DPP10: variants seen among roughly 807,000 people sequenced by gnomAD.
DPP10 encodes inactive dipeptidyl peptidase 10.
A neutral mutation model predicts 120.9 loss-of-function variants in DPP10; 33 were observed. The ratio of observed to expected loss-of-function variants is 0.27; its 90% CI spans 0.21 to 0.37. The LOEUF (loss-of-function observed/expected upper bound fraction) is 0.37, where lower values mean the gene tolerates loss of function less well. DPP10 is among the 10% of genes least tolerant of loss of function. DPP10 has a pLI of 1.00. For missense variants in DPP10, 816 were observed against 942.8 expected, an observed-to-expected ratio of 0.87 and a Z score of 1.76; for synonymous variants, 337 against 326.1, an observed-to-expected ratio of 1.03 and a Z score of -0.36.
chr2:114,477,337 G>A (rs1446885592), intron 1 of DPP10, among the ~76,000 whole-genome samples: 1 of 151,936 alleles, frequency 6.6e-6, no homozygotes, highest in Admixed American at 6.6e-5. Context: ...ACTTTTGGGT[G>A]TACTTGTGGT....
intron 1 of DPP10, among the ~76,000 whole-genome samples, chr2:114,662,494 A>C (rs1312927211): frequency 6.6e-6 from 1 of 151,926 alleles, no homozygotes; most frequent in Non-Finnish European, 1.5e-5. Flanking sequence ...AGACAACTTG[A>C]ATGCGTGTGT....
At chr2:115,608,979 C>CTGA (rs2083895595) in intron 5 of DPP10, among the ~76,000 whole-genome samples, 1 of 151,012 alleles carries the variant, frequency 6.6e-6, no homozygotes, top group Non-Finnish European at 1.5e-5. Context: ...AGACAAATTC[C>CTGA]AGGAAGAAAG....
intron 3 of DPP10, among the ~76,000 whole-genome samples, chr2:115,388,584 G>T (rs531221354): frequency 6.6e-6 from 1 of 152,282 alleles, no homozygotes; most frequent in African/African-American, 2.4e-5. Context: ...AACTAGCTCT[G>T]CTTGCTTTTT....
chr2:114,588,566 T>C (rs1475790460), intron 1 of DPP10, among the ~76,000 whole-genome samples: 1 of 152,206 alleles, frequency 6.6e-6, no homozygotes, highest in Non-Finnish European at 1.5e-5. Context: ...AGTATGCTAC[T>C]TACCCTGATC....
chr2:115,639,178 C>T (rs112879471), intron 5 of DPP10, among the ~76,000 whole-genome samples: 2,968 of 152,252 alleles, frequency 0.019, 84 homozygotes, highest in African/African-American at 0.062. Flanking sequence ...TACCCCTCTA[C>T]GTATCTTAGG....
intron 1 of DPP10, among the ~76,000 whole-genome samples, chr2:114,839,246 G>T (rs931785623): frequency 2.0e-5 from 3 of 152,154 alleles, no homozygotes; most frequent in Admixed American, 6.5e-5. Context: ...TGGTGTGAAA[G>T]AGATAGATTT....
At chr2:114,670,689 G>T (rs188983347) in intron 1 of DPP10, among the ~76,000 whole-genome samples, 12 of 151,988 alleles carry the variant, frequency 7.9e-5, no homozygotes, top group Admixed American at 3.9e-4. Context: ...ATAATAATAA[G>T]AAAAATTATT....
chr2:115,109,892 T>G (rs2049130774), intron 1 of DPP10, among the ~76,000 whole-genome samples: 1 of 152,186 alleles, frequency 6.6e-6, no homozygotes, highest in Non-Finnish European at 1.5e-5. Flanking sequence ...AATGCTGAGC[T>G]TGAGAGACTT....
chr2:115,259,625 G>A (rs1467757192), intron 1 of DPP10, among the ~76,000 whole-genome samples: 2 of 152,050 alleles, frequency 1.3e-5, no homozygotes, highest in South Asian at 2.1e-4. Context: ...TAATTACATG[G>A]CCACACTTAG....
intron 4 of DPP10, among the ~76,000 whole-genome samples, chr2:115,520,624 G>A (rs893258780): frequency 4.6e-5 from 7 of 152,030 alleles, no homozygotes; most frequent in East Asian, 3.9e-4. Context: ...AGGTTCTGCC[G>A]TTTCTCAATG....
intron 1 of DPP10, among the ~76,000 whole-genome samples, chr2:115,198,335 C>G (rs1189139447): frequency 6.6e-6 from 1 of 152,158 alleles, no homozygotes; most frequent in East Asian, 1.9e-4. Context: ...TACCACTCAG[C>G]TTTATGGCAC....
At chr2:115,286,519 T>TAG (rs2060395678) in intron 1 of DPP10, among the ~76,000 whole-genome samples, 1 of 43,468 alleles carries the variant, frequency 2.3e-5, no homozygotes, top group Non-Finnish European at 5.4e-5. Context: ...ATATAATATA[T>TAG]ATATATAATA....
intron 1 of DPP10, among the ~76,000 whole-genome samples, chr2:115,264,682 A>C (rs2059388490): frequency 6.6e-6 from 1 of 152,206 alleles, no homozygotes; most frequent in Non-Finnish European, 1.5e-5. Context: ...TTCACATAAC[A>C]AATTCAAAAT....
At chr2:115,214,683 C>T (rs1401431057) in intron 1 of DPP10, among the ~76,000 whole-genome samples, 2 of 152,164 alleles carry the variant, frequency 1.3e-5, no homozygotes, top group Non-Finnish European at 2.9e-5. Flanking sequence ...TATTCAATAA[C>T]ACTCAATGAT....
chr2:115,736,853 G>T (rs75862387), intron 8 of DPP10, among the ~76,000 whole-genome samples: 2,018 of 152,142 alleles, frequency 0.013, 47 homozygotes, highest in African/African-American at 0.047. Flanking sequence ...CTAGTAAGTC[G>T]ATTCACTTGT....
intron 9 of DPP10, 76 bp from the exon 10 acceptor site, chr2:115,746,010 C>A (rs1677921632): frequency 9.3e-7 from 1 of 1,077,478 alleles, no homozygotes; most frequent in Non-Finnish European, 1.3e-6. Flanking sequence ...GTAAATGAAT[C>A]AAAAATCCTT....
chr2:115,349,002 C>G (rs917266958), intron 3 of DPP10, among the ~76,000 whole-genome samples: 11 of 152,068 alleles, frequency 7.2e-5, no homozygotes, highest in African/African-American at 2.7e-4. Context: ...CAGCCCTTTC[C>G]TAGGAGACTA....
At position 114,749,548 on chromosome 2, in the gene DPP10, CTTTTATTTTATTTTA is replaced by C. The variant is rs374862583; in HGVS notation, c.60+306750_60+306764del. 6.9e-3 allele frequency among the ~76,000 whole-genome samples: 872 copies of C among 125,634 alleles called. 3 individuals are homozygous for C. Among genetic ancestry groups the C allele is most frequent in the African/African-American group, 0.023 (770 of 33,012 alleles). 82.4% of individuals were successfully genotyped at this position (125,634 alleles called of 152,430 possible). Reference sequence around the variant, plus strand: ...AACAAAGACACTTATTCTAGCACTGCTTTTATTTTATTTTATTTTATTTTATTTTATTTTATTTTA... The same window carrying C: ...AACAAAGACACTTATTCTAGCACTGCTTTTATTTTATTTTATTTTATTTTA... On this transcript the variant is annotated intron_variant, in intron 1 of 25. Transcript: ENST00000410059.
rs754680857 is a variant in DPP10, at chr2:115,177,760, GTT to G, written c.61-131475_61-131474del. On this transcript the variant is annotated intron_variant, in intron 1 of 25. Coordinates refer to ENST00000410059, the MANE Select transcript of DPP10 (RefSeq NM_020868.6). ...ATTGCTTTTGTTTTGTTTTGTTTTT[GTT>G]TTTGTTTGTTTGTTTGTTTGAGACA... is the stretch of plus-strand genomic sequence containing the variant. Among the ~76,000 whole-genome samples the G allele has an allele frequency of 2.5e-3, 211 of 83,808 alleles. No homozygotes were observed. The East Asian group carries it at 0.034, about 14-fold the overall frequency. The allele number at this position is 83,808 out of a possible 152,430, so 55.0% of individuals were successfully genotyped here.
Sources: allele counts gnomAD v4.1 joint callset (sites outside exome capture counted in the v4.1 genomes callset), GRCh38; gene constraint gnomAD v4.1.1; transcripts MANE v1.5; gene names NCBI Gene and HGNC (gene_info 2026-07-23, HGNC 2026-07-21).